The following RBM4 variants were observed in gnomAD, a reference collection of about 807,000 sequenced individuals.
RBM4 encodes RNA binding motif protein 4, also known as RNA-binding protein 4.
Under a neutral mutation model 29.5 loss-of-function variants are expected in RBM4, and 7 were observed. That is an observed-to-expected ratio of 0.24 (90% CI 0.14 to 0.45). The LOEUF (loss-of-function observed/expected upper bound fraction) is 0.45, where lower values mean the gene tolerates loss of function less well. Among genes scored for constraint, RBM4 ranks in the 20% least tolerant of loss-of-function variants. RBM4 has a pLI of 1.00. For missense variants in RBM4, 387 were observed against 502.3 expected, an observed-to-expected ratio of 0.77 and a Z score of 2.19; for synonymous variants, 220 against 205.4, an observed-to-expected ratio of 1.07 and a Z score of -0.61.
At chr11:66,646,927 CAT>C (rs150420299), downstream of RBM4, among the ~76,000 whole-genome samples, 1,323 of 152,318 alleles carry the variant, frequency 8.7e-3, 8 homozygotes, top group Non-Finnish European at 0.015. Context: ...AGGCCAGTGA[CAT>C]GTGTTGATGC....
exon 3 of RBM4, chr11:66,666,302 G>C: frequency 9.4e-7 from 1 of 1,065,408 alleles, no homozygotes; most frequent in Non-Finnish European, 1.1e-6. Flanking sequence ...ACAGACAAAG[G>C]GCCAAATCTT....
At chr11:66,665,980 C>G (rs766061768) in exon 3 of RBM4, 1 of 1,489,166 alleles carries the variant, frequency 6.7e-7, no homozygotes, top group Non-Finnish European at 9.0e-7. Context: ...TCATATATGG[C>G]GAATTGCACT....
At chr11:66,647,496 G>A (rs952738127), downstream of RBM4, among the ~76,000 whole-genome samples, 3 of 152,116 alleles carry the variant, frequency 2.0e-5, no homozygotes, top group African/African-American at 7.2e-5. Context: ...CCCAGCAAAT[G>A]TTTTTCCTTT....
intron 2 of RBM4, chr11:66,640,603 T>A (rs2135055196): frequency 5.0e-6 from 1 of 199,858 alleles, no homozygotes; most frequent in South Asian, 1.6e-4. Flanking sequence ...TTTAAAGGGT[T>A]ACAGCTCTTG....
intron 2 of RBM4, among the ~76,000 whole-genome samples, chr11:66,655,078 T>A (rs1264177132): frequency 6.6e-6 from 1 of 151,088 alleles, no homozygotes; most frequent in African/African-American, 2.4e-5. Flanking sequence ...CTCTGCCTCC[T>A]AGGTTCAAGC....
chr11:66,651,865 C>T (rs888503933), intron 2 of RBM4, among the ~76,000 whole-genome samples: 1 of 152,032 alleles, frequency 6.6e-6, no homozygotes, highest in African/African-American at 2.4e-5. Flanking sequence ...GGGCACAAAT[C>T]CCATTGATGA....
chr11:66,668,362 G>T, exon 3 of RBM4: 1 of 441,872 alleles, frequency 2.3e-6, no homozygotes. Context: ...ACTGATTAAA[G>T]AATGTTCTCA....
chr11:66,647,624 CTT>C (rs1485362823), downstream of RBM4, among the ~76,000 whole-genome samples: 4 of 152,170 alleles, frequency 2.6e-5, no homozygotes, highest in East Asian at 1.9e-4. Flanking sequence ...CATTTTTACT[CTT>C]GTCAGTATAC....
intron 2 of RBM4, among the ~76,000 whole-genome samples, chr11:66,663,658 A>G (rs1939127887): frequency 6.6e-6 from 1 of 152,086 alleles, no homozygotes; most frequent in Non-Finnish European, 1.5e-5. Flanking sequence ...AAAAAAGGAG[A>G]AACACTGGAG....
chr11:66,666,900 T>C (rs956069245), exon 3 of RBM4: 10 of 151,548 alleles, frequency 6.6e-5, no homozygotes, highest in Non-Finnish European at 1.0e-4. Context: ...TGCTGTGGCT[T>C]TGCTTTTTAA....
chr11:66,640,284 G>A (rs1028336748), intron 2 of RBM4, 161 bp downstream of exon 2: 9 of 950,948 alleles, frequency 9.5e-6, no homozygotes, highest in Non-Finnish European at 1.4e-5. Context: ...GAATGCATGG[G>A]ACTTAGGGGC....
At chr11:66,665,793 CAA>C in intron 2 of RBM4, 1 of 1,413,834 alleles carries the variant, frequency 7.1e-7, no homozygotes, top group Non-Finnish European at 9.5e-7. Flanking sequence ...ATATATAGGA[CAA>C]GATGCAATCT....
chr11:66,663,533 T>G (rs1326379336), intron 2 of RBM4, among the ~76,000 whole-genome samples: 1 of 152,048 alleles, frequency 6.6e-6, no homozygotes, highest in Non-Finnish European at 1.5e-5. Flanking sequence ...TCCAGCTAAT[T>G]TTTTGTATTT....
At chr11:66,660,194 ACTTCAGGTCTTAG>A (rs962232432) in intron 2 of RBM4, among the ~76,000 whole-genome samples, 3 of 148,296 alleles carry the variant, frequency 2.0e-5, no homozygotes, top group African/African-American at 7.5e-5. Context: ...AGCTAACTTA[ACTTCAGGTCTTAG>A]CTTCAGGATC....
intron 2 of RBM4, chr11:66,665,680 AAAAG>A (rs1939201094): frequency 6.6e-7 from 1 of 1,514,270 alleles, no homozygotes; most frequent in Non-Finnish European, 8.8e-7. Context: ...GGGGGGAAAA[AAAAG>A]AACAAAACAA....
intron 1 of RBM4, 67 bp downstream of exon 1, chr11:66,638,819 T>G (rs1209299516): frequency 6.6e-6 from 1 of 152,396 alleles, no homozygotes; most frequent in East Asian, 1.9e-4. Context: ...TCCCTTGGGC[T>G]TCGGGGGTGT....
downstream of RBM4, among the ~76,000 whole-genome samples, chr11:66,651,046 T>G (rs1274905172): frequency 6.6e-6 from 1 of 151,908 alleles, no homozygotes; most frequent in East Asian, 1.9e-4. Flanking sequence ...TCCTCAAAAT[T>G]GGGGTTGTTT....
intron 1 of RBM4, chr11:66,639,363 T>C (rs1426465646): frequency 3.9e-6 from 1 of 255,764 alleles, no homozygotes; most frequent in Non-Finnish European, 7.5e-6. Context: ...ACTTTTGTTT[T>C]CTGTTGTCCT....
intron 2 of RBM4, chr11:66,652,325 C>T (rs1487967948): frequency 6.6e-6 from 1 of 152,156 alleles, no homozygotes; most frequent in African/African-American, 2.4e-5. Context: ...GATCTCCTGA[C>T]CTCTTGATCC....
Sources: gnomAD v4.1 joint callset for allele counts (sites outside exome capture counted in the v4.1 genomes callset) on GRCh38, gnomAD v4.1.1 for gene constraint, MANE v1.5 for transcripts, NCBI Gene and HGNC (gene_info 2026-07-23, HGNC 2026-07-21) for gene names.